ETNK1: variants seen among roughly 807,000 people sequenced by gnomAD.
ETNK1 encodes putative protein product of Nbla10396.
ETNK1 carries 8 observed loss-of-function variants against 45.1 expected under a neutral mutation model. That is an observed-to-expected ratio of 0.18 (90% confidence interval 0.10 to 0.32). ETNK1 has a LOEUF of 0.32. Among genes scored for constraint, ETNK1 ranks in the 10% least tolerant of loss-of-function variants. The pLI, the probability that ETNK1 is intolerant of heterozygous loss-of-function variation, is 1.00. For missense variants in ETNK1, 302 were observed against 430.6 expected (o/e 0.70, Z 2.64); for synonymous variants, 152 against 151.9 (o/e 1.00, Z -0.01).
intron 1 of ETNK1, among the ~76,000 whole-genome samples, chr12:22,639,802 A>C (rs376352251): frequency 6.6e-6 from 1 of 152,228 alleles, no homozygotes; most frequent in South Asian, 2.1e-4. Flanking sequence ...GAGGTGACAG[A>C]TGACTCCTAC....
At chr12:22,649,672 T>G (rs1468577847) in intron 2 of ETNK1, among the ~76,000 whole-genome samples, 1 of 152,126 alleles carries the variant, frequency 6.6e-6, no homozygotes, top group Admixed American at 6.6e-5. Flanking sequence ...TTCTTGTCTT[T>G]CAATATTGTG....
chr12:22,626,022 G>A, intron 1 of ETNK1: 1 of 377,946 alleles, frequency 2.6e-6, no homozygotes, highest in Non-Finnish European at 5.2e-6. Flanking sequence ...CCTGCGATGT[G>A]CTTTCATTGA....
rs187345304 is a variant in ETNK1, at chr12:22,656,097, G to T, written c.417-2917G>T. On this transcript the variant is annotated intron_variant, in intron 2 of 7. Coordinates refer to ENST00000266517, the MANE Select transcript of ETNK1 (RefSeq NM_018638.5). Reference sequence around the variant, plus strand: ...TTTCATTAACCTGTAAATGCCCCTTGGAGTTGTGGCCATACTGTTTTATTC... The same window carrying T: ...TTTCATTAACCTGTAAATGCCCCTTTGAGTTGTGGCCATACTGTTTTATTC... 2.8e-3 allele frequency among the ~76,000 whole-genome samples: 430 copies of T among 152,246 alleles called. 2 individuals carry two copies. Among genetic ancestry groups the T allele is most frequent in the African/African-American group, 1.0e-2 (414 of 41,548 alleles).
chr12:22,647,655 A>C (rs2137539576), intron 2 of ETNK1, among the ~76,000 whole-genome samples: 1 of 152,134 alleles, frequency 6.6e-6, no homozygotes, highest in African/African-American at 2.4e-5. Context: ...TGCTCATGCA[A>C]AAACTCAAAG....
chr12:22,679,090 G>A (rs1461534133), intron 6 of ETNK1, among the ~76,000 whole-genome samples: 1 of 152,188 alleles, frequency 6.6e-6, no homozygotes, highest in Non-Finnish European at 1.5e-5. Flanking sequence ...AGTTTATTAG[G>A]GAGAATTGGC....
At chr12:22,639,952 G>A (rs1479314107) in intron 1 of ETNK1, among the ~76,000 whole-genome samples, 2 of 151,988 alleles carry the variant, frequency 1.3e-5, no homozygotes, top group East Asian at 1.9e-4. Flanking sequence ...TAATTAGATC[G>A]GTTTGGATAT....
intron 6 of ETNK1, among the ~76,000 whole-genome samples, chr12:22,680,899 C>CT (rs1314688385): frequency 7.6e-6 from 1 of 131,484 alleles, no homozygotes; most frequent in Admixed American, 7.4e-5. Flanking sequence ...TTCCCCCGCC[C>CT]CCCCCTCCAT....
intron 1 of ETNK1, among the ~76,000 whole-genome samples, chr12:22,637,221 A>G (rs939593357): frequency 6.6e-6 from 1 of 152,226 alleles, no homozygotes; most frequent in African/African-American, 2.4e-5. Context: ...GGGCAGTCAT[A>G]GAGTTCACGT....
intron 2 of ETNK1, among the ~76,000 whole-genome samples, chr12:22,657,735 G>T (rs1490183092): frequency 6.6e-6 from 1 of 152,140 alleles, no homozygotes; most frequent in Non-Finnish European, 1.5e-5. Context: ...GAGCAAGTCA[G>T]GGTCATATGT....
chr12:22,660,120 G>T (rs1199182032), intron 3 of ETNK1, among the ~76,000 whole-genome samples: 1 of 150,988 alleles, frequency 6.6e-6, no homozygotes, highest in East Asian at 1.9e-4. Context: ...TGTGGAAGTT[G>T]TATGTAGAGA....
rs1200298942 is a variant in ETNK1 at position 22,688,647 on chromosome 12, C to T, written c.*3693C>T. The T allele has an allele frequency of 1.3e-5, 2 of 152,256 alleles. No individual in the cohort carries two copies. Among genetic ancestry groups the T allele is most frequent in the Admixed American group, 1.3e-4 (2 of 15,238 alleles). The allele number at this position is 152,256 out of a possible 1,614,324, so 9.4% of individuals were successfully genotyped here. On this transcript the variant is annotated 3_prime_UTR_variant, in exon 8 of 8. Coordinates refer to ENST00000266517, the MANE Select transcript of ETNK1 (RefSeq NM_018638.5). ...TCATTCAGTTGATAGACAAAGTTAGCGATGCTTTATGCTAGGAAACTTGTT... is the reference window on the plus strand; with the variant it reads ...TCATTCAGTTGATAGACAAAGTTAGTGATGCTTTATGCTAGGAAACTTGTT...
In ETNK1 at chr12:22,638,619, A is replaced by C. The variant is rs1455465546; in HGVS notation, c.157-5144A>C. The C allele has an allele frequency of 2.0e-5, 3 of 152,178 alleles. No individual in the cohort carries two copies. In the East Asian group the frequency reaches 5.8e-4, roughly 29 times the overall value. 9.4% of individuals were successfully genotyped at this position (152,178 alleles called of 1,614,324 possible). ...CAAGTGAATCTTACATACTTGTGCT[A>C]TATTATATTATATAATTCTCTAATA... is the stretch of plus-strand genomic sequence containing the variant. On this transcript the variant is annotated intron_variant, in intron 1 of 7. Coordinates refer to ENST00000266517, the MANE Select transcript of ETNK1 (RefSeq NM_018638.5).
In ETNK1 at chr12:22,684,869, C is replaced by G; in HGVS notation, c.1020-13C>G. The G allele has an allele frequency of 6.3e-7, 1 of 1,593,730 alleles. No homozygotes were observed. The highest frequency in any genetic ancestry group is 8.5e-7 in the Non-Finnish European group (1 of 1,173,146). ...CTTTGACTAATTTTTTTGTTGTTCTCTTTTCTCACTAGGTATGCAATTGTT... is the reference window on the plus strand; with the variant it reads ...CTTTGACTAATTTTTTTGTTGTTCTGTTTTCTCACTAGGTATGCAATTGTT... On this transcript the variant is annotated splice_polypyrimidine_tract_variant and intron_variant, in intron 7 of 7. Coordinates refer to ENST00000266517, the MANE Select transcript of ETNK1 (RefSeq NM_018638.5).
intron 6 of ETNK1, among the ~76,000 whole-genome samples, chr12:22,680,179 T>A (rs1954201339): frequency 6.6e-6 from 1 of 152,200 alleles, no homozygotes; most frequent in Non-Finnish European, 1.5e-5. Flanking sequence ...CTGTTCTTGG[T>A]TCCTAAAATG....
At chr12:22,676,546 A>G (rs375296463) in intron 6 of ETNK1, among the ~76,000 whole-genome samples, 97 of 152,030 alleles carry the variant, frequency 6.4e-4, no homozygotes, top group African/African-American at 2.2e-3. Context: ...CCTGGGTCAA[A>G]TGGTATTTCT....
At chr12:22,634,929 G>A (rs1953635405) in intron 1 of ETNK1, among the ~76,000 whole-genome samples, 3 of 152,082 alleles carry the variant, frequency 2.0e-5, no homozygotes, top group South Asian at 2.1e-4. Flanking sequence ...CTTCCTAATC[G>A]TTTTTTGAAG....
At chr12:22,643,276 A>C (rs1224980280) in intron 1 of ETNK1, among the ~76,000 whole-genome samples, 1 of 152,052 alleles carries the variant, frequency 6.6e-6, no homozygotes, top group Non-Finnish European at 1.5e-5. Flanking sequence ...AAATCTATGA[A>C]TGTTGTTAAG....
chr12:22,663,708 A>G (rs1237314741), intron 4 of ETNK1, among the ~76,000 whole-genome samples: 7 of 152,078 alleles, frequency 4.6e-5, no homozygotes, highest in African/African-American at 1.7e-4. Flanking sequence ...TTTTCCTTTC[A>G]CAGAAAAATT....
chr12:22,645,372 T>C (rs892691012), intron 2 of ETNK1, among the ~76,000 whole-genome samples: 7 of 151,798 alleles, frequency 4.6e-5, no homozygotes, highest in Non-Finnish European at 1.0e-4. Context: ...TAACCTCAAA[T>C]AGAAACAGTA....
Sources: allele counts gnomAD v4.1 joint callset (sites outside exome capture counted in the v4.1 genomes callset), GRCh38; gene constraint gnomAD v4.1.1; transcripts MANE v1.5; gene names NCBI Gene and HGNC (gene_info 2026-07-23, HGNC 2026-07-21).